FFAR4: variants seen among roughly 807,000 people sequenced by gnomAD.
FFAR4 encodes the protein G-protein coupled receptor 120.
FFAR4 carries 19 observed loss-of-function variants against 27.0 expected under a neutral mutation model. The observed-to-expected ratio is 0.70, with a 90% CI of 0.49 to 1.03. The LOEUF (loss-of-function observed/expected upper bound fraction) is 1.03. Among genes scored for constraint, FFAR4 ranks in the 50% least tolerant of loss-of-function variants. FFAR4 has a pLI of 0.00. For missense variants in FFAR4, 476 were observed against 479.0 expected, an observed-to-expected ratio of 0.99 and a Z score of 0.06; for synonymous variants, 254 against 215.6, an observed-to-expected ratio of 1.18 and a Z score of -1.56.
At chr10:93,572,835 A>G (rs1398606877) in intron 1 of FFAR4, among the ~76,000 whole-genome samples, 1 of 152,190 alleles carries the variant, frequency 6.6e-6, no homozygotes, top group African/African-American at 2.4e-5. Flanking sequence ...ATGCAGCTGA[A>G]AAGAGTAGAT....
In FFAR4 at chr10:93,567,272, C is replaced by A; in HGVS notation, c.552C>A (p.Leu184=). Residue 184 remains leucine (L), a synonymous_variant, in exon 1 of 3, where the codon CTC becomes CTA. Transcript: ENST00000371481. ...CVFFRVVPQR[L]PGADQEISIC... Reference sequence around the variant, plus strand: ...TCTTCCGAGTCGTCCCGCAACGGCTCCCCGGCGCCGACCAGGTGAGCGCCC... The same window carrying A: ...TCTTCCGAGTCGTCCCGCAACGGCTACCCGGCGCCGACCAGGTGAGCGCCC... 6.3e-7 allele frequency: 1 copy of A among 1,599,204 alleles called. No homozygotes were observed. Among genetic ancestry groups the A allele is most frequent in the Non-Finnish European group, 8.5e-7 (1 of 1,179,482 alleles).
chr10:93,578,434 A>AAG (rs2058178451), intron 2 of FFAR4, among the ~76,000 whole-genome samples: 1 of 150,262 alleles, frequency 6.7e-6, no homozygotes, highest in African/African-American at 2.4e-5. Flanking sequence ...AAAAAAAAAA[A>AAG]AAAAAAACGA....
intron 1 of FFAR4, among the ~76,000 whole-genome samples, chr10:93,574,104 C>T (rs571567921): frequency 1.9e-4 from 29 of 151,986 alleles, no homozygotes; most frequent in East Asian, 1.9e-4. Flanking sequence ...TGTGTGTGTG[C>T]GTGTGTGTGT....
At chr10:93,574,936 C>G (rs1441176470) in intron 1 of FFAR4, among the ~76,000 whole-genome samples, 1 of 152,178 alleles carries the variant, frequency 6.6e-6, no homozygotes. Context: ...TCTTTCCAGT[C>G]ACCAAAATGT....
At chr10:93,571,687 G>A (rs1290969297) in intron 1 of FFAR4, among the ~76,000 whole-genome samples, 3 of 152,184 alleles carry the variant, frequency 2.0e-5, no homozygotes, top group Admixed American at 2.0e-4. Context: ...GTTATGATTA[G>A]AGAATACTTT....
chr10:93,581,520 G>A (rs758398684), intron 2 of FFAR4, among the ~76,000 whole-genome samples: 3 of 152,178 alleles, frequency 2.0e-5, no homozygotes, highest in Middle Eastern at 3.2e-3. Context: ...TGGCAGCAGC[G>A]GTCTGCTGGC....
At chr10:93,575,769 A>G (rs1458357797) in intron 1 of FFAR4, among the ~76,000 whole-genome samples, 4 of 152,208 alleles carry the variant, frequency 2.6e-5, no homozygotes, top group Admixed American at 2.6e-4. Flanking sequence ...AAGGCTCGAA[A>G]GCCCTTTGCA....
In FFAR4 at chr10:93,583,532, A is replaced by T. The variant is rs577144210; in HGVS notation, c.697-3688A>T. ...ATGCCAAGCGGGAGATGAACCAGGA[A>T]TCCTTCTCAGAGTTCCTGGCATTAG... On this transcript the variant is annotated intron_variant, in intron 2 of 2. Coordinates refer to ENST00000371481, the MANE Select transcript of FFAR4 (RefSeq NM_001195755.2). 2.0e-5 allele frequency among the ~76,000 whole-genome samples: 3 copies of T among 152,340 alleles called. No individual in the cohort carries two copies. The South Asian group carries it at 6.2e-4, about 32-fold the overall frequency.
chr10:93,584,397 G>A (rs1589679677), intron 2 of FFAR4, among the ~76,000 whole-genome samples: 1 of 152,240 alleles, frequency 6.6e-6, no homozygotes, highest in African/African-American at 2.4e-5. Context: ...TATCAGTGGA[G>A]TGACCTTCAA....
At position 93,566,819 on chromosome 10, in the gene FFAR4, C is replaced by G; in HGVS notation, c.99C>G (p.Gly33=). ...TRFPFFSDVK[G]DHRLVLAAVE... is the part of the protein sequence containing the mutation. ...TTCCCTTCTTCTCCGACGTCAAGGG[C>G]GACCACCGGCTGGTGCTGGCCGCGG... is the stretch of plus-strand genomic sequence containing the variant. The change falls in exon 1 of 3, where the codon GGC becomes GGG. Residue 33 remains glycine (G), a synonymous_variant. Coordinates refer to ENST00000371481, the MANE Select transcript of FFAR4 (RefSeq NM_001195755.2). 1 of 1,604,098 alleles carries G rather than the reference C, an allele frequency of 6.2e-7. No individual in the cohort carries two copies. The highest frequency in any genetic ancestry group is 1.7e-4 in the Middle Eastern group (1 of 6,058).
At chr10:93,571,172 G>T (rs985631062) in intron 1 of FFAR4, among the ~76,000 whole-genome samples, 12 of 152,192 alleles carry the variant, frequency 7.9e-5, no homozygotes, top group Non-Finnish European at 4.4e-5. Context: ...AGCCAGGTCA[G>T]CTCACCCTGC....
rs1457522917 is a variant in FFAR4 at position 93,587,628 on chromosome 10, T to C, written c.*19T>C. On this transcript the variant is annotated 3_prime_UTR_variant, in exon 3 of 3. Coordinates refer to ENST00000371481, the MANE Select transcript of FFAR4 (RefSeq NM_001195755.2). ...TGGCTAATTTTTCTTTATAGCCGAG[T>C]TTCTCACACCTGGCGAGCTGTGGCA... 1.2e-6 allele frequency: 2 copies of C among 1,602,510 alleles called. No individual in the cohort carries two copies. The highest frequency in any genetic ancestry group is 1.3e-5 in the African/African-American group (1 of 74,638).
chr10:93,567,183 C>T lies in FFAR4; in HGVS notation c.463C>T (p.Arg155Trp). 1 of 1,603,460 alleles carries T rather than the reference C, an allele frequency of 6.2e-7. No individual in the cohort carries two copies. The highest frequency in any genetic ancestry group is 1.1e-5 in the South Asian group (1 of 90,796). Residue 155 changes from arginine (R) to tryptophan (W), a missense_variant, in exon 1 of 3, where the codon CGG becomes TGG. Coordinates refer to ENST00000371481, the MANE Select transcript of FFAR4 (RefSeq NM_001195755.2). The part of the protein sequence containing the change: ...RGVRGPGRRA[R>W]AVLLALIWGY... The stretch of plus-strand genomic sequence containing the variant: ...CGTGCGGGGTCCTGGGCGGCGGGCG[C>T]GGGCAGTGCTGCTGGCGCTCATCTG...
chr10:93,570,618 C>T (rs1215513567), intron 1 of FFAR4, among the ~76,000 whole-genome samples: 3 of 152,160 alleles, frequency 2.0e-5, no homozygotes, highest in East Asian at 1.9e-4. Context: ...CCTCAAGGAG[C>T]GCTGGCCAAG....
In FFAR4 at chr10:93,566,899, G is replaced by A. The variant is rs1258151141; in HGVS notation, c.179G>A (p.Cys60Tyr). 3.7e-6 allele frequency: 6 copies of A among 1,607,190 alleles called. No homozygotes were observed. The highest frequency in any genetic ancestry group is 5.1e-6 in the Non-Finnish European group (6 of 1,178,086). Residue 60 changes from cysteine (C) to tyrosine (Y), a missense_variant, in exon 1 of 3, where the codon TGC becomes TAC. Cys to Tyr is a radical substitution (Grantham distance 194). Transcript: ENST00000371481. ...IFAVSLLGNV[C>Y]ALVLVARRRR... is the part of the protein sequence containing the mutation. ...GCAGTGTCGCTGCTGGGCAACGTGTGCGCCCTGGTGCTGGTGGCGCGCCGA... is the reference window on the plus strand; with the variant it reads ...GCAGTGTCGCTGCTGGGCAACGTGTACGCCCTGGTGCTGGTGGCGCGCCGA...
At position 93,587,468 on chromosome 10, in the gene FFAR4, CCTA is replaced by C. The variant is rs1182787828; in HGVS notation, c.946_948del (p.Leu316del). On this transcript the variant is annotated inframe_deletion, in exon 3 of 3. Transcript: ENST00000371481. ...TGGCCTTCACATTTGCTAATTCAGC[CCTA>C]AACCCCATCCTCTACAACATGACAC... 1 of 1,614,102 alleles carries C rather than the reference CCTA, an allele frequency of 6.2e-7. No individual in the cohort carries two copies. Among genetic ancestry groups the C allele is most frequent in the East Asian group, 2.2e-5 (1 of 44,880 alleles).
intron 1 of FFAR4, among the ~76,000 whole-genome samples, chr10:93,575,043 A>C (rs549835659): frequency 1.9e-3 from 286 of 152,364 alleles, no homozygotes; most frequent in African/African-American, 6.6e-3. Context: ...TAGAGCGTTC[A>C]ATGAATATTG....
intron 2 of FFAR4, among the ~76,000 whole-genome samples, chr10:93,585,437 T>G (rs920672762): frequency 6.6e-6 from 1 of 152,256 alleles, no homozygotes; most frequent in African/African-American, 2.4e-5. Flanking sequence ...CTCCTCTTTC[T>G]TGCTGGGGCA....
intron 1 of FFAR4, among the ~76,000 whole-genome samples, chr10:93,570,516 T>C (rs1194837363): frequency 6.6e-6 from 1 of 152,080 alleles, no homozygotes; most frequent in Non-Finnish European, 1.5e-5. Flanking sequence ...ACTTAGAGAC[T>C]AAATATGGAG....
Sources: gnomAD v4.1 joint callset for allele counts (sites outside exome capture counted in the v4.1 genomes callset) on GRCh38, gnomAD v4.1.1 for gene constraint, MANE v1.5 for transcripts, NCBI Gene and HGNC (gene_info 2026-07-23, HGNC 2026-07-21) for gene names.